The following EPHB1 variants were observed in gnomAD, a reference collection of about 807,000 sequenced individuals.
EPHB1 encodes the protein ephrin type-B receptor 1.
Under a neutral mutation model 94.4 loss-of-function variants are expected in EPHB1, and 30 were observed. That is an observed-to-expected ratio of 0.32 (90% CI 0.24 to 0.43). The LOEUF (loss-of-function observed/expected upper bound fraction) is 0.43, where lower values mean the gene tolerates loss of function less well. EPHB1 is among the 20% of genes least tolerant of loss of function. The pLI, the probability that EPHB1 is intolerant of heterozygous loss-of-function variation, is 1.00. For missense variants in EPHB1, 1,055 were observed against 1,308.3 expected, an observed-to-expected ratio of 0.81 and a Z score of 2.99; for synonymous variants, 522 against 489.1, an observed-to-expected ratio of 1.07 and a Z score of -0.89.
chr3:135,153,491 T>C (rs1236935450), intron 5 of EPHB1, among the ~76,000 whole-genome samples: 3 of 152,236 alleles, frequency 2.0e-5, no homozygotes, highest in Admixed American at 2.0e-4. Context: ...GTTTGATTTG[T>C]TTATCATTTC....
At chr3:135,190,075 A>G (rs1194653862) in intron 10 of EPHB1, among the ~76,000 whole-genome samples, 2 of 152,222 alleles carry the variant, frequency 1.3e-5, no homozygotes, top group Non-Finnish European at 2.9e-5. Flanking sequence ...TAGAGGCAGT[A>G]TGGCAGGAAA....
intron 15 of EPHB1, among the ~76,000 whole-genome samples, chr3:135,255,450 AT>A (rs533278122): frequency 0.011 from 1,488 of 139,888 alleles, 34 homozygotes; most frequent in African/African-American, 0.037. Context: ...GAACATCTTT[AT>A]TTCTGCCTAC....
chr3:135,175,686 A>G (rs560914590), intron 9 of EPHB1, among the ~76,000 whole-genome samples: 1 of 152,210 alleles, frequency 6.6e-6, no homozygotes, highest in Non-Finnish European at 1.5e-5. Flanking sequence ...AACAATATTT[A>G]TATTAGGAAT....
intron 1 of EPHB1, among the ~76,000 whole-genome samples, chr3:134,884,213 G>C (rs2037816466): frequency 6.6e-6 from 1 of 152,210 alleles, no homozygotes; most frequent in Non-Finnish European, 1.5e-5. Flanking sequence ...ATGTGCTAAG[G>C]CTGGGGGAAA....
intron 15 of EPHB1, among the ~76,000 whole-genome samples, chr3:135,254,797 A>T (rs1295711565): frequency 6.6e-6 from 1 of 152,052 alleles, no homozygotes; most frequent in Non-Finnish European, 1.5e-5. Context: ...AATGGTACCA[A>T]TTCCTCCTTG....
chr3:134,911,420 C>A (rs542391630), intron 1 of EPHB1, among the ~76,000 whole-genome samples: 1 of 152,142 alleles, frequency 6.6e-6, no homozygotes, highest in East Asian at 1.9e-4. Flanking sequence ...CCAGAGGGGC[C>A]GAGAGGGATG....
intron 9 of EPHB1, among the ~76,000 whole-genome samples, chr3:135,174,484 C>G (rs1038294909): frequency 6.6e-6 from 1 of 152,222 alleles, no homozygotes; most frequent in Non-Finnish European, 1.5e-5. Context: ...TAGCCTCTGC[C>G]TTTTCTGGTC....
chr3:135,077,829 C>G (rs1390422384), intron 3 of EPHB1, among the ~76,000 whole-genome samples: 1 of 152,200 alleles, frequency 6.6e-6, no homozygotes. Context: ...TTTTGAGAAT[C>G]AAGACACACT....
chr3:134,807,180 G>C (rs918139579), intron 1 of EPHB1, among the ~76,000 whole-genome samples: 4 of 152,218 alleles, frequency 2.6e-5, no homozygotes, highest in African/African-American at 9.6e-5. Flanking sequence ...GGGAGTGAGA[G>C]CAGAGAGACC....
At chr3:135,182,270 G>A (rs1942175800) in intron 10 of EPHB1, among the ~76,000 whole-genome samples, 1 of 152,184 alleles carries the variant, frequency 6.6e-6, no homozygotes, top group African/African-American at 2.4e-5. Flanking sequence ...CATGTAACTG[G>A]CAATGTTTCT....
At chr3:135,055,875 C>G (rs1937333867) in intron 3 of EPHB1, among the ~76,000 whole-genome samples, 1 of 152,144 alleles carries the variant, frequency 6.6e-6, no homozygotes, top group Non-Finnish European at 1.5e-5. Context: ...AGGCTCTTTC[C>G]TACTCTCTGT....
Position 135,106,555 on chromosome 3 carries a change from A to G in EPHB1, c.913A>G (p.Thr305Ala). Residue 305 changes from threonine to alanine, a missense_variant, in exon 4 of 16, where the codon ACC (threonine) becomes GCC (alanine). Coordinates refer to ENST00000398015, the MANE Select transcript of EPHB1 (RefSeq NM_004441.5). ...GGCGTCTCCCATCTGCACCTGTCGG[A>G]CCGGTTATTACCGAGCGGACTTTGA... ...AEASPICTCR[T>A]GYYRADFDPP... The G allele has an allele frequency of 6.2e-7, 1 of 1,614,008 alleles. No homozygotes were observed. The highest frequency in any genetic ancestry group is 1.7e-5 in the Admixed American group (1 of 60,034).
At chr3:135,052,859 TCAA>T in intron 3 of EPHB1, among the ~76,000 whole-genome samples, 1 of 8,760 alleles carries the variant, frequency 1.1e-4, no homozygotes, top group African/African-American at 6.3e-4. Context: ...AGACTCCGTC[TCAA>T]AAAAAAAAAA....
At position 135,253,301 on chromosome 3, in the gene EPHB1, C is replaced by G. The variant is rs1293838282; in HGVS notation, c.2846+3810C>G. ...AAGTCCTTGCCCATGCCTATGTCCT[C>G]AATGGTAATGCCTAGGTTTTCTTCT... On this transcript the variant is annotated intron_variant, in intron 15 of 15. Coordinates refer to ENST00000398015, the MANE Select transcript of EPHB1 (RefSeq NM_004441.5). 9.7e-4 allele frequency among the ~76,000 whole-genome samples: 147 copies of G among 150,928 alleles called. 1 individual carries two copies. Among genetic ancestry groups the G allele is most frequent in the South Asian group, 4.0e-3 (19 of 4,746 alleles).
intron 3 of EPHB1, among the ~76,000 whole-genome samples, chr3:134,980,565 G>T (rs1339673912): frequency 6.6e-6 from 1 of 152,200 alleles, no homozygotes; most frequent in African/African-American, 2.4e-5. Flanking sequence ...CTAGAAGAAA[G>T]TAAACGAGCA....
intron 3 of EPHB1, among the ~76,000 whole-genome samples, chr3:134,976,435 A>G (rs1328276792): frequency 6.6e-6 from 1 of 152,232 alleles, no homozygotes; most frequent in Non-Finnish European, 1.5e-5. Flanking sequence ...CCACACTGAG[A>G]TGACAGGAAA....
intron 2 of EPHB1, among the ~76,000 whole-genome samples, chr3:134,932,388 C>T (rs1055205018): frequency 8.5e-5 from 13 of 152,192 alleles, no homozygotes; most frequent in Non-Finnish European, 1.5e-4. Context: ...CTCAGGAAAG[C>T]ACACTCAGGA....
intron 6 of EPHB1, 114 bp downstream of exon 6, chr3:135,154,390 T>C: frequency 6.8e-7 from 1 of 1,460,692 alleles, no homozygotes; most frequent in Non-Finnish European, 9.3e-7. Context: ...AGGATTCTGG[T>C]GACAGAGGCC....
chr3:135,061,920 C>A (rs181514783), intron 3 of EPHB1, among the ~76,000 whole-genome samples: 2 of 152,282 alleles, frequency 1.3e-5, no homozygotes, highest in East Asian at 3.9e-4. Flanking sequence ...CTACAAAGGA[C>A]ATGAACTCAT....
Sources: allele counts gnomAD v4.1 joint callset (sites outside exome capture counted in the v4.1 genomes callset), GRCh38; gene constraint gnomAD v4.1.1; transcripts MANE v1.5; gene names NCBI Gene and HGNC (gene_info 2026-07-23, HGNC 2026-07-21).